Variants in RNF130 observed in about 807,000 individuals in gnomAD.
RNF130 encodes the protein E3 ubiquitin-protein ligase RNF130.
A neutral mutation model predicts 44.6 loss-of-function variants in RNF130; 21 were observed. That is an observed-to-expected ratio of 0.47 (90% CI 0.33 to 0.68). The LOEUF (loss-of-function observed/expected upper bound fraction) is 0.68. Among genes scored for constraint, RNF130 ranks in the 30% least tolerant of loss-of-function variants. RNF130 has a pLI of 0.02. For synonymous variants in RNF130, 214 were observed against 210.4 expected (o/e 1.02, Z -0.15); for missense variants, 479 against 560.6 (o/e 0.85, Z 1.47).
At chr5:180,000,512 A>T (rs1763307713) in intron 3 of RNF130, among the ~76,000 whole-genome samples, 1 of 152,214 alleles carries the variant, frequency 6.6e-6, no homozygotes, top group African/African-American at 2.4e-5. Flanking sequence ...TCCTTCTGGA[A>T]CACCCATAAT....
chr5:179,982,479 G>T (rs1762860841), intron 3 of RNF130, among the ~76,000 whole-genome samples: 1 of 152,042 alleles, frequency 6.6e-6, no homozygotes, highest in Non-Finnish European at 1.5e-5. Flanking sequence ...TTTCCAAACT[G>T]GGCATATTAT....
intron 8 of RNF130, among the ~76,000 whole-genome samples, chr5:179,960,558 G>GA (rs1229698765): frequency 6.6e-6 from 1 of 152,176 alleles, no homozygotes; most frequent in African/African-American, 2.4e-5. Flanking sequence ...CCCATGACAG[G>GA]GGGCCCTAGA....
intron 3 of RNF130, among the ~76,000 whole-genome samples, chr5:180,010,244 CAAAAAAAA>C (rs71001067): frequency 1.5e-4 from 6 of 41,098 alleles, no homozygotes; most frequent in East Asian, 1.8e-3. Context: ...GACTACATCT[CAAAAAAAA>C]AAAAAAAAAA....
At chr5:179,982,753 A>C (rs929050894) in intron 3 of RNF130, among the ~76,000 whole-genome samples, 2 of 151,876 alleles carry the variant, frequency 1.3e-5, no homozygotes, top group South Asian at 2.1e-4. Flanking sequence ...CTGATTTTTT[A>C]TTTTTATTTT....
chr5:180,057,502 C>T (rs1382576948), intron 1 of RNF130, among the ~76,000 whole-genome samples: 2 of 152,070 alleles, frequency 1.3e-5, no homozygotes, highest in Non-Finnish European at 1.5e-5. Flanking sequence ...GAGCCAAGAC[C>T]GTACCACTGC....
At chr5:179,974,810 C>A (rs1424687160) in intron 5 of RNF130, among the ~76,000 whole-genome samples, 1 of 152,230 alleles carries the variant, frequency 6.6e-6, no homozygotes, top group Non-Finnish European at 1.5e-5. Context: ...AGAACGAGGC[C>A]CCGAGGAAGG....
intron 3 of RNF130, among the ~76,000 whole-genome samples, chr5:179,981,714 C>G (rs1762845542): frequency 6.6e-6 from 1 of 152,168 alleles, no homozygotes; most frequent in Admixed American, 6.5e-5. Flanking sequence ...TTATCCAATA[C>G]TCACACTATA....
At chr5:180,022,205 T>C (rs985398927) in intron 2 of RNF130, among the ~76,000 whole-genome samples, 1 of 152,214 alleles carries the variant, frequency 6.6e-6, no homozygotes. Flanking sequence ...ATGTGCACTG[T>C]GAAGTTCCTC....
chr5:180,041,073 G>A (rs1396429597), intron 1 of RNF130, among the ~76,000 whole-genome samples: 1 of 152,164 alleles, frequency 6.6e-6, no homozygotes, highest in East Asian at 1.9e-4. Context: ...TATCCCCACA[G>A]TGAGAAAACA....
chr5:179,913,496 C>T (rs1225948009), exon 8 of RNF130: 1 of 152,222 alleles, frequency 6.6e-6, no homozygotes, highest in African/African-American at 2.4e-5. Context: ...CGGGCGGCCC[C>T]CACAGGGTCT....
rs757837790 is a variant in RNF130 at position 179,937,904 on chromosome 5, CTGTGTGTG to C, written c.1151-17486_1151-17479del. Among the ~76,000 whole-genome samples the C allele has an allele frequency of 1.7e-3, 204 of 119,416 alleles. 1 individual carries two copies. Among genetic ancestry groups the C allele is most frequent in the East Asian group, 6.5e-3 (24 of 3,708 alleles). 78.3% of individuals were successfully genotyped at this position (119,416 alleles called of 152,430 possible). ...GTGTTGACATATGCTTTCAATGAAT[CTGTGTGTG>C]TGTGTGTGTGTGTGTGTGTGTGAGA... On this transcript the variant is annotated intron_variant, in intron 7 of 7. Coordinates refer to the RNF130 transcript ENST00000522208.
chr5:180,059,124 C>G (rs1279369323), intron 1 of RNF130, among the ~76,000 whole-genome samples: 1 of 152,218 alleles, frequency 6.6e-6, no homozygotes, highest in South Asian at 2.1e-4. Flanking sequence ...CCCTTACTCT[C>G]TAACTCCTTT....
At chr5:179,963,244 G>A (rs1243711482) in intron 8 of RNF130, among the ~76,000 whole-genome samples, 3 of 152,210 alleles carry the variant, frequency 2.0e-5, no homozygotes, top group South Asian at 2.1e-4. Flanking sequence ...GAAAACCTCT[G>A]GATCTTTTCT....
chr5:180,002,929 T>C (rs1763378966), intron 3 of RNF130, among the ~76,000 whole-genome samples: 2 of 152,112 alleles, frequency 1.3e-5, no homozygotes, highest in Admixed American at 1.3e-4. Flanking sequence ...GTTGTTATTA[T>C]TATTATTATT....
At chr5:179,914,786 T>TG (rs1212637348) in exon 8 of RNF130, 1 of 152,196 alleles carries the variant, frequency 6.6e-6, no homozygotes, top group East Asian at 1.9e-4. Flanking sequence ...TCCCAGCACT[T>TG]TGAGACACTA....
intron 1 of RNF130, among the ~76,000 whole-genome samples, chr5:180,057,838 C>A (rs7734329): frequency 0.69 from 104,176 of 152,000 alleles, 36,883 homozygotes; most frequent in South Asian, 0.91. Context: ...CTGAGTAGGG[C>A]GTTACGGGAA....
At chr5:179,951,668 G>T (rs942288162), downstream of RNF130, among the ~76,000 whole-genome samples, 9 of 152,122 alleles carry the variant, frequency 5.9e-5, no homozygotes, top group African/African-American at 1.4e-4. Flanking sequence ...ATGTTAGGTC[G>T]TAAGAGAAGC....
intron 6 of RNF130, among the ~76,000 whole-genome samples, chr5:179,969,625 T>G (rs1428188292): frequency 6.6e-6 from 1 of 151,940 alleles, no homozygotes; most frequent in African/African-American, 2.4e-5. Context: ...CCCAGCACTT[T>G]GGGAGGCTGA....
chr5:179,955,761 G>T, intron 8 of RNF130, 92 bp from the exon 9 acceptor site: 1 of 1,055,638 alleles, frequency 9.5e-7, no homozygotes, highest in Non-Finnish European at 1.4e-6. Context: ...AGGGTGGCCT[G>T]GCTGTCCCCA....
Sources: gnomAD v4.1 joint callset for allele counts (sites outside exome capture counted in the v4.1 genomes callset) on GRCh38, gnomAD v4.1.1 for gene constraint, MANE v1.5 for transcripts, NCBI Gene and HGNC (gene_info 2026-07-23, HGNC 2026-07-21) for gene names.